ITSN2: variants seen among roughly 807,000 people sequenced by gnomAD.
ITSN2 encodes intersectin 2.
A neutral mutation model predicts 243.7 loss-of-function variants in ITSN2; 156 were observed. That is an observed-to-expected ratio of 0.64 (90% CI 0.56 to 0.73). The LOEUF (loss-of-function observed/expected upper bound fraction) is 0.73, where lower values mean the gene tolerates loss of function less well. Among genes scored for constraint, ITSN2 ranks in the 30% least tolerant of loss-of-function variants. ITSN2 has a pLI of 0.00. For missense variants in ITSN2, 1,801 were observed against 1,996.1 expected (o/e 0.90, Z 1.86); for synonymous variants, 703 against 699.9 (o/e 1.00, Z -0.07).
chr2:24,205,560 A>C, intron 37 of ITSN2: 1 of 414,392 alleles, frequency 2.4e-6, no homozygotes, highest in Non-Finnish European at 4.6e-6. Context: ...TCCCACATCT[A>C]CCTCCCAGAT....
intron 20 of ITSN2, among the ~76,000 whole-genome samples, chr2:24,265,461 A>AC (rs1367406365): frequency 1.3e-5 from 2 of 152,220 alleles, no homozygotes; most frequent in Non-Finnish European, 2.9e-5. Context: ...CAACCTTGCT[A>AC]AACTCATTTA....
intron 1 of ITSN2, among the ~76,000 whole-genome samples, chr2:24,356,504 C>T (rs1189456750): frequency 6.6e-6 from 1 of 151,458 alleles, no homozygotes; most frequent in African/African-American, 2.4e-5. Flanking sequence ...AAAAAAAACC[C>T]CACCAAAAAG....
intron 23 of ITSN2, among the ~76,000 whole-genome samples, chr2:24,257,109 G>C (rs1272495490): frequency 6.6e-6 from 1 of 152,118 alleles, no homozygotes; most frequent in Admixed American, 6.5e-5. Flanking sequence ...TTGAGCCCAG[G>C]AGTTTGAGAA....
intron 14 of ITSN2, 100 bp from the exon 15 acceptor site, chr2:24,293,875 T>C (rs1574187418): frequency 2.3e-6 from 1 of 427,536 alleles, no homozygotes; most frequent in African/African-American, 2.1e-5. Context: ...CTTTGAAACT[T>C]ATTTTAGAAA....
chr2:24,325,779 C>G (rs1013596619), intron 2 of ITSN2, among the ~76,000 whole-genome samples: 2 of 152,146 alleles, frequency 1.3e-5, no homozygotes, highest in African/African-American at 2.4e-5. Context: ...ATTTCTGTTG[C>G]TTATTCTCAT....
intron 5 of ITSN2, among the ~76,000 whole-genome samples, 191 bp downstream of exon 5, chr2:24,312,021 C>G (rs1316402277): frequency 6.6e-6 from 1 of 152,000 alleles, no homozygotes; most frequent in Non-Finnish European, 1.5e-5. Flanking sequence ...CAGAACTGTC[C>G]CTAGAAAACC....
chr2:24,348,620 G>A (rs17789849), intron 1 of ITSN2, among the ~76,000 whole-genome samples: 10,500 of 152,198 alleles, frequency 0.069, 385 homozygotes, highest in Middle Eastern at 0.11. Context: ...AAACTACAGA[G>A]GAAAAGTACA....
intron 29 of ITSN2, among the ~76,000 whole-genome samples, chr2:24,227,288 T>TAAA (rs55652738): frequency 8.7e-6 from 1 of 114,810 alleles, no homozygotes; most frequent in African/African-American, 3.4e-5. Context: ...GAGCTCAAAG[T>TAAA]AAAAAAAAAA....
chr2:24,301,784 CAGTGTTATGATT>C (rs1258514798), intron 10 of ITSN2, among the ~76,000 whole-genome samples, 169 bp downstream of exon 10: 1 of 152,190 alleles, frequency 6.6e-6, no homozygotes, highest in Non-Finnish European at 1.5e-5. Context: ...CCTTGGCTCC[CAGTGTTATGATT>C]ACAGGCGTAA....
chr2:24,228,799 C>T (rs1466170278), intron 29 of ITSN2, among the ~76,000 whole-genome samples: 1 of 152,030 alleles, frequency 6.6e-6, no homozygotes, highest in Admixed American at 6.5e-5. Flanking sequence ...AAAATAGATA[C>T]AAATAAAAGT....
At chr2:24,285,081 G>C (rs1679312596) in intron 16 of ITSN2, among the ~76,000 whole-genome samples, 1 of 152,050 alleles carries the variant, frequency 6.6e-6, no homozygotes, top group East Asian at 1.9e-4. Flanking sequence ...ATTTTTAGTA[G>C]AGATGGGGTT....
At chr2:24,218,064 C>G (rs1670133753) in intron 30 of ITSN2, 51 bp from the exon 31 acceptor site, 2 of 1,178,656 alleles carry the variant, frequency 1.7e-6, no homozygotes, top group Non-Finnish European at 2.5e-6. Flanking sequence ...GATACACAGC[C>G]TACGTGTGGT....
chr2:24,204,940 A>T lies in ITSN2; in HGVS notation c.4762+274T>A. 1 of 374,810 alleles carries T rather than the reference A, an allele frequency of 2.7e-6. No individual in the cohort carries two copies. The highest frequency in any genetic ancestry group is 5.3e-6 in the Non-Finnish European group (1 of 190,412). 23.2% of individuals were successfully genotyped at this position (374,810 alleles called of 1,614,324 possible). A position where few individuals can be genotyped will look rare whatever the true frequency, so the allele number is the denominator to read the frequency against. On this transcript the variant is annotated intron_variant, in intron 38 of 39. Transcript: ENST00000355123. This position sits in a 1 kb window ranked among gnomAD's most constrained non-coding sequence, Gnocchi z 5.1. ...GGCGGGCAGATCACTTGAGGTCAGG[A>T]GTTCGAGACCAGCCTGGCCAACATG...
At chr2:24,254,852 T>C (rs1558497430) in intron 23 of ITSN2, among the ~76,000 whole-genome samples, 1 of 152,176 alleles carries the variant, frequency 6.6e-6, no homozygotes, top group Non-Finnish European at 1.5e-5. Context: ...TAAAACTTTG[T>C]TTTTATTATC....
chr2:24,224,748 C>T (rs1233415693), intron 29 of ITSN2, among the ~76,000 whole-genome samples: 1 of 152,144 alleles, frequency 6.6e-6, no homozygotes, highest in Non-Finnish European at 1.5e-5. Flanking sequence ...ATTCTCCTGC[C>T]TCAGTCTCCG....
intron 5 of ITSN2, 124 bp from the exon 6 acceptor site, chr2:24,310,816 T>G: frequency 1.3e-6 from 1 of 750,606 alleles, no homozygotes; most frequent in South Asian, 1.8e-5. Context: ...TGAATTATCC[T>G]TAAAAAACTC....
intron 17 of ITSN2, among the ~76,000 whole-genome samples, chr2:24,281,866 C>T (rs916520350): frequency 1.3e-5 from 2 of 152,352 alleles, no homozygotes; most frequent in African/African-American, 4.8e-5. Flanking sequence ...GCACTTTCTG[C>T]ATCTCCACCC....
chr2:24,230,896 C>T (rs1671524993), intron 29 of ITSN2, among the ~76,000 whole-genome samples: 2 of 152,148 alleles, frequency 1.3e-5, no homozygotes, highest in Admixed American at 1.3e-4. Flanking sequence ...TAGGTCACAC[C>T]CAGACCCTCG....
At chr2:24,358,652 G>A (rs1053607717) in intron 1 of ITSN2, among the ~76,000 whole-genome samples, 7 of 152,118 alleles carry the variant, frequency 4.6e-5, no homozygotes, top group African/African-American at 1.7e-4. Flanking sequence ...TAAGGTTAAA[G>A]GATTTTTTAA....
Sources: gnomAD v4.1 joint callset for allele counts (sites outside exome capture counted in the v4.1 genomes callset) on GRCh38, gnomAD v4.1.1 for gene constraint, Gnocchi (gnomAD v3.1) non-coding constraint, MANE v1.5 for transcripts, NCBI Gene and HGNC (gene_info 2026-07-23, HGNC 2026-07-21) for gene names.